Variants in CACNA1C observed in about 807,000 individuals in gnomAD.
The protein encoded by CACNA1C is voltage-dependent L-type calcium channel subunit alpha-1C.
CACNA1C carries 30 observed loss-of-function variants against 229.0 expected under a neutral mutation model. The observed-to-expected ratio is 0.13, with a 90% CI of 0.10 to 0.18. The LOEUF (loss-of-function observed/expected upper bound fraction) is 0.18, where lower values mean the gene tolerates loss of function less well. Among genes scored for constraint, CACNA1C ranks in the 10% least tolerant of loss-of-function variants. The pLI is 1.00. For missense variants in CACNA1C, 1,658 were observed against 2,845.0 expected, an observed-to-expected ratio of 0.58 and a Z score of 9.49; for synonymous variants, 1,114 against 1,132.5, an observed-to-expected ratio of 0.98 and a Z score of 0.33.
chr12:2,405,003 G>T (rs2098720388), intron 3 of CACNA1C, among the ~76,000 whole-genome samples: 1 of 152,132 alleles, frequency 6.6e-6, no homozygotes, highest in African/African-American at 2.4e-5. Flanking sequence ...TCTGTTAAGG[G>T]AGCTCCCTAC....
At position 2,039,662 on chromosome 12, in the gene CACNA1C, A is replaced by G. The variant is rs139438928; in HGVS notation, c.139+68461A>G. On this transcript the variant is annotated intron_variant, in intron 1 of 46. Transcript: ENST00000682462. ...TTTGATAGAGATAGCGGTAGGCTCTATGGGAACACAGAGGAAGAAGAACTT... is the reference window on the plus strand; with the variant it reads ...TTTGATAGAGATAGCGGTAGGCTCTGTGGGAACACAGAGGAAGAAGAACTT... Among the ~76,000 whole-genome samples the G allele has an allele frequency of 3.5e-3, 527 of 152,308 alleles. 3 individuals are homozygous for G. The highest frequency in any genetic ancestry group is 0.012 in the African/African-American group (511 of 41,570).
In CACNA1C at chr12:2,377,232, G is replaced by A. The variant is rs541484814; in HGVS notation, c.478-71744G>A. Reference sequence around the variant, plus strand: ...TGTGGGTTTCACTGAGCAGGGCTGTGTGTGGCCTCAATGCCCTCCTCTCCC... The same window carrying A: ...TGTGGGTTTCACTGAGCAGGGCTGTATGTGGCCTCAATGCCCTCCTCTCCC... On this transcript the variant is annotated intron_variant, in intron 3 of 46. Transcript: ENST00000399655. Among the ~76,000 whole-genome samples, 10 of 152,324 alleles carry A rather than the reference G, an allele frequency of 6.6e-5. No individual in the cohort carries two copies. In the East Asian group the frequency reaches 1.5e-3, roughly 23 times the overall value.
chr12:2,026,687 C>T (rs980281047), intron 1 of CACNA1C, among the ~76,000 whole-genome samples: 32 of 152,114 alleles, frequency 2.1e-4, no homozygotes, highest in African/African-American at 5.3e-4. Flanking sequence ...GTATGCTTTT[C>T]TGAACATTTG....
chr12:2,605,257 G>A lies in CACNA1C; in HGVS notation c.3048+89G>A. On this transcript the variant is annotated intron_variant, in intron 23 of 46. Coordinates refer to ENST00000399655, the MANE Select transcript of CACNA1C (RefSeq NM_000719.7). This position sits in a 1 kb window ranked among gnomAD's most constrained non-coding sequence, Gnocchi z 6.2. ...GGTGAGGGGTGGGTTGGAAGGAGAT[G>A]ATGGTCAGACCAAGTGGCTGCCATG... 2.2e-6 allele frequency: 2 copies of A among 910,292 alleles called. No individual in the cohort carries two copies. Among genetic ancestry groups the A allele is most frequent in the Non-Finnish European group, 1.8e-6 (1 of 559,176 alleles). 56.4% of individuals were successfully genotyped at this position (910,292 alleles called of 1,614,324 possible). A position where few individuals can be genotyped will look rare whatever the true frequency, so the allele number is the denominator to read the frequency against.
In CACNA1C at chr12:2,672,428, G is replaced by A. The variant is rs188136669; in HGVS notation, c.4727-2113G>A. ...GCTGTAACAAATGATCACAAACTGG[G>A]CAGCTGGAAACAAGAGAAAGTTCTC... is the stretch of plus-strand genomic sequence containing the variant. On this transcript the variant is annotated intron_variant, in intron 38 of 46. Transcript: ENST00000399655. Among the ~76,000 whole-genome samples the A allele has an allele frequency of 3.9e-3, 587 of 152,286 alleles. 4 individuals carry two copies. Among genetic ancestry groups the A allele is most frequent in the African/African-American group, 0.013 (560 of 41,566 alleles).
At chr12:2,073,597 C>G (rs1271316971) in intron 1 of CACNA1C, among the ~76,000 whole-genome samples, 4 of 152,204 alleles carry the variant, frequency 2.6e-5, no homozygotes, top group Non-Finnish European at 5.9e-5. Context: ...GCAGAGCCAC[C>G]TGGAACCTGC....
chr12:2,119,929 G>T (rs1259061792), intron 2 of CACNA1C, among the ~76,000 whole-genome samples: 1 of 152,274 alleles, frequency 6.6e-6, no homozygotes, highest in African/African-American at 2.4e-5. Context: ...GTTCCAGGTG[G>T]GCGTGGGCCC....
At chr12:2,554,293 C>A (rs950897066) in intron 10 of CACNA1C, among the ~76,000 whole-genome samples, 2 of 152,186 alleles carry the variant, frequency 1.3e-5, no homozygotes, top group African/African-American at 4.8e-5. Context: ...GAGAAAGTAT[C>A]TGGGGTTGCA....
In CACNA1C at chr12:2,346,589, C is replaced by T. The variant is rs2238068; in HGVS notation, c.478-102387C>T. Among the ~76,000 whole-genome samples the T allele has an allele frequency of 6.6e-6, 1 of 152,210 alleles. No individual in the cohort carries two copies. The highest frequency in any genetic ancestry group is 2.4e-5 in the African/African-American group (1 of 41,524). On this transcript the variant is annotated intron_variant, in intron 3 of 46. Transcript: ENST00000399655. This position sits in a 1 kb window ranked among gnomAD's most constrained non-coding sequence, Gnocchi z 4.4. ...CACATACTCCCCCATTTCTCTTAGCCGGCCCCAGTGTGTGTCCTGGGGGCG... is the reference window on the plus strand; with the variant it reads ...CACATACTCCCCCATTTCTCTTAGCTGGCCCCAGTGTGTGTCCTGGGGGCG...
At chr12:2,056,154 C>T (rs530708172) in intron 1 of CACNA1C, among the ~76,000 whole-genome samples, 13 of 152,102 alleles carry the variant, frequency 8.5e-5, no homozygotes, top group African/African-American at 2.7e-4. Context: ...TCCTTGCTCC[C>T]TCACCTTTTC....
chr12:2,501,541 C>T (rs893752832), intron 7 of CACNA1C, among the ~76,000 whole-genome samples: 1 of 152,364 alleles, frequency 6.6e-6, no homozygotes, highest in East Asian at 1.9e-4. Context: ...AAAGAATGAC[C>T]TCACGGTTCC....
intron 13 of CACNA1C, among the ~76,000 whole-genome samples, chr12:2,572,354 C>CT (rs1568495193): frequency 2.5e-5 from 3 of 120,004 alleles, no homozygotes; most frequent in South Asian, 3.5e-4. Flanking sequence ...CCTCCTCCTC[C>CT]TCTCCTCCTC....
At chr12:2,466,999 A>G (rs2099555782) in intron 5 of CACNA1C, among the ~76,000 whole-genome samples, 1 of 152,060 alleles carries the variant, frequency 6.6e-6, no homozygotes, top group Admixed American at 6.5e-5. Context: ...CTTACAGGCC[A>G]CATACCCTTA....
At chr12:2,121,112 T>G (rs2086511020) in intron 3 of CACNA1C, among the ~76,000 whole-genome samples, 1 of 152,316 alleles carries the variant, frequency 6.6e-6, no homozygotes, top group East Asian at 1.9e-4. Context: ...TGGAATGCAG[T>G]TGGCAAAATT....
intron 3 of CACNA1C, among the ~76,000 whole-genome samples, chr12:2,426,959 C>T (rs115046759): frequency 0.026 from 3,909 of 152,298 alleles, 169 homozygotes; most frequent in African/African-American, 0.089. Context: ...TTGGTCAAAG[C>T]AAGTGACAAA....
At chr12:2,638,275 A>T (rs903174273) in intron 30 of CACNA1C, among the ~76,000 whole-genome samples, 18 of 152,200 alleles carry the variant, frequency 1.2e-4, no homozygotes, top group African/African-American at 4.3e-4. Context: ...TTTAAATAAG[A>T]TGGGCTTCCT....
At chr12:2,527,471 G>C (rs557816912) in intron 9 of CACNA1C, among the ~76,000 whole-genome samples, 1 of 152,292 alleles carries the variant, frequency 6.6e-6, no homozygotes, top group South Asian at 2.1e-4. Context: ...AAATCAGCCT[G>C]TCCAACCATT....
chr12:2,023,113 G>A (rs10774016), intron 1 of CACNA1C, among the ~76,000 whole-genome samples: 70,855 of 152,020 alleles, frequency 0.47, 17,244 homozygotes, highest in East Asian at 0.79. Context: ...AACTTGTTCT[G>A]GGTCTGCCAT....
Position 2,696,866 on chromosome 12 carries a change from C to T in CACNA1C, c.*5667C>T, listed in dbSNP as rs2097846039. ...GTTTCAGGGACCCCCTTGAAGAAAC[C>T]TCTCCTGGCCATTGGCCAGGAGAAA... On this transcript the variant is annotated 3_prime_UTR_variant, in exon 47 of 47. Transcript: ENST00000399655. 1 of 151,968 alleles carries T rather than the reference C, an allele frequency of 6.6e-6. No homozygotes were observed. Among genetic ancestry groups the T allele is most frequent in the East Asian group, 1.9e-4 (1 of 5,172 alleles). 9.4% of individuals were successfully genotyped at this position (151,968 alleles called of 1,614,324 possible). A position where few individuals can be genotyped will look rare whatever the true frequency, so the allele number is the denominator to read the frequency against.
Sources: allele counts gnomAD v4.1 joint callset (sites outside exome capture counted in the v4.1 genomes callset), GRCh38; gene constraint gnomAD v4.1.1; non-coding constraint Gnocchi (gnomAD v3.1); transcripts MANE v1.5; gene names NCBI Gene and HGNC (gene_info 2026-07-23, HGNC 2026-07-21).